The following LARGE1 variants were observed in gnomAD, a reference collection of about 807,000 sequenced individuals.
The protein encoded by LARGE1 is LARGE xylosyl- and glucuronyltransferase 1, also known as xylosyl- and glucuronyltransferase LARGE1.
LARGE1 carries 43 observed loss-of-function variants against 87.6 expected under a neutral mutation model. That is an observed-to-expected ratio of 0.49 (90% CI 0.38 to 0.63). LARGE1 has a LOEUF of 0.63. Ranked by LOEUF, LARGE1 falls within the 30% of genes least tolerant of loss-of-function variation. The pLI is 0.00. For missense variants in LARGE1, 802 were observed against 1,000.2 expected, an observed-to-expected ratio of 0.80 and a Z score of 2.67; for synonymous variants, 434 against 394.6, an observed-to-expected ratio of 1.10 and a Z score of -1.18.
intron 10 of LARGE1, among the ~76,000 whole-genome samples, chr22:33,322,995 G>A (rs146692347): frequency 1.4e-4 from 22 of 152,190 alleles, no homozygotes; most frequent in African/African-American, 3.4e-4. Context: ...AGTGGCGTGC[G>A]CCTCTAGTCC....
intron 2 of LARGE1, among the ~76,000 whole-genome samples, chr22:33,704,411 C>A (rs1234284075): frequency 4.6e-5 from 7 of 152,218 alleles, no homozygotes; most frequent in Non-Finnish European, 1.0e-4. Context: ...CCTGCCCCAA[C>A]TCCAGGAACG....
chr22:33,831,152 C>G, intron 1 of LARGE1, among the ~76,000 whole-genome samples: 1 of 144,176 alleles, frequency 6.9e-6, no homozygotes, highest in Non-Finnish European at 1.5e-5. Context: ...GCCTGGAGTG[C>G]AGTGGCACGA....
rs372034955 is a variant in LARGE1, at chr22:33,882,162, C to A, written c.-83+37833G>T. On this transcript the variant is annotated intron_variant, in intron 1 of 14. Transcript: ENST00000397394. ...GGTTCACACCATTCTCCTGCCTCAG[C>A]TGGGACTACAGGCACCTGCCACCAT... 9.5e-4 allele frequency among the ~76,000 whole-genome samples: 144 copies of A among 152,038 alleles called. 1 individual carries two copies. The highest frequency in any genetic ancestry group is 3.3e-3 in the African/African-American group (135 of 41,432).
chr22:33,291,482 TC>T (rs1427914061), intron 12 of LARGE1, among the ~76,000 whole-genome samples: 2 of 151,962 alleles, frequency 1.3e-5, no homozygotes, highest in Non-Finnish European at 2.9e-5. Context: ...TGCTATGGTG[TC>T]CCCCAACATT....
At chr22:33,474,144 A>C (rs961939800) in intron 6 of LARGE1, among the ~76,000 whole-genome samples, 3 of 152,082 alleles carry the variant, frequency 2.0e-5, no homozygotes, top group African/African-American at 7.2e-5. Context: ...CAATGTATCT[A>C]GTCTTTTATT....
At chr22:33,146,225 A>G in the LARGE1 span, among the ~76,000 whole-genome samples, 2 of 152,238 alleles carry the variant, frequency 1.3e-5, no homozygotes, top group Non-Finnish European at 2.9e-5. Context: ...ACCTGGAGAC[A>G]GAAGGTCAAA....
At chr22:33,577,731 T>C (rs571238926) in intron 5 of LARGE1, among the ~76,000 whole-genome samples, 4 of 152,362 alleles carry the variant, frequency 2.6e-5, no homozygotes, top group Admixed American at 1.3e-4. Flanking sequence ...GCTGCGGAGA[T>C]ACACCTTGCA....
At chr22:33,239,246 G>A (rs149026703) in intron 11 of LARGE1, among the ~76,000 whole-genome samples, 50 of 152,100 alleles carry the variant, frequency 3.3e-4, no homozygotes, top group African/African-American at 1.1e-3. Context: ...GCATCAAAGG[G>A]TATATACACA....
chr22:33,522,827 T>TAAAAAAAAGAAAA (rs1198819640), intron 6 of LARGE1, among the ~76,000 whole-genome samples: 2 of 141,442 alleles, frequency 1.4e-5, no homozygotes, highest in Non-Finnish European at 3.1e-5. Flanking sequence ...AGACTCTATC[T>TAAAAAAAAGAAAA]AAAAAAAAGA....
intron 9 of LARGE1, among the ~76,000 whole-genome samples, chr22:33,341,184 A>G (rs531784620): frequency 6.6e-6 from 1 of 152,180 alleles, no homozygotes; most frequent in Admixed American, 6.5e-5. Context: ...CCCTTAGAAA[A>G]GACACCCCAA....
At chr22:33,509,372 T>C (rs1179207271) in intron 6 of LARGE1, among the ~76,000 whole-genome samples, 1 of 152,164 alleles carries the variant, frequency 6.6e-6, no homozygotes, top group Non-Finnish European at 1.5e-5. Context: ...AAAACAATTG[T>C]CTTGGAGGTC....
chr22:33,103,213 C>A, the LARGE1 span, among the ~76,000 whole-genome samples: 1 of 151,898 alleles, frequency 6.6e-6, no homozygotes, highest in South Asian at 2.1e-4. Context: ...ACGGGCGGAT[C>A]CCGAGGTCAG....
intron 1 of LARGE1, among the ~76,000 whole-genome samples, chr22:33,818,242 A>G (rs1046415756): frequency 6.6e-6 from 1 of 152,158 alleles, no homozygotes; most frequent in Non-Finnish European, 1.5e-5. Flanking sequence ...TCTTCAGTTG[A>G]TTCAGGGCAT....
chr22:33,907,981 T>C (rs889906346), intron 1 of LARGE1, among the ~76,000 whole-genome samples: 6 of 152,234 alleles, frequency 3.9e-5, no homozygotes, highest in African/African-American at 1.4e-4. Context: ...AAGGCATCAG[T>C]GTACCCCAGG....
intron 1 of LARGE1, among the ~76,000 whole-genome samples, chr22:33,767,355 A>G (rs1208377719): frequency 6.6e-6 from 1 of 151,418 alleles, no homozygotes; most frequent in East Asian, 1.9e-4. Context: ...TTTGATCTCT[A>G]TGTCTTAATT....
chr22:33,433,607 C>CAAAAAAAAAAAAAAAAAAAA (rs57605083), intron 6 of LARGE1, among the ~76,000 whole-genome samples: 3 of 88,258 alleles, frequency 3.4e-5, no homozygotes, highest in African/African-American at 4.7e-5. Flanking sequence ...AAAAACAAAA[C>CAAAAAAAAAAAAAAAAAAAA]AAAAAAAAAA....
At chr22:33,535,222 G>C (rs2077007703) in intron 6 of LARGE1, among the ~76,000 whole-genome samples, 1 of 152,184 alleles carries the variant, frequency 6.6e-6, no homozygotes, top group African/African-American at 2.4e-5. Context: ...TGTGTCCGGA[G>C]CCACGCTGAT....
intron 5 of LARGE1, among the ~76,000 whole-genome samples, chr22:33,579,037 T>C (rs1407544349): frequency 6.6e-6 from 1 of 152,202 alleles, no homozygotes. Context: ...TGGAAACATA[T>C]GTCCAGACCC....
intron 2 of LARGE1, among the ~76,000 whole-genome samples, chr22:33,720,678 A>G (rs764129563): frequency 3.5e-4 from 53 of 152,244 alleles, no homozygotes; most frequent in Non-Finnish European, 7.2e-4. Flanking sequence ...CTGTGGTTAC[A>G]TAAGATTGGA....
Sources: gnomAD v4.1 joint callset for allele counts (sites outside exome capture counted in the v4.1 genomes callset) on GRCh38, gnomAD v4.1.1 for gene constraint, MANE v1.5 for transcripts, NCBI Gene and HGNC (gene_info 2026-07-23, HGNC 2026-07-21) for gene names.